The following KCNT1 variants were observed in gnomAD, a reference collection of about 807,000 sequenced individuals.
KCNT1 encodes the protein potassium channel subfamily T member 1.
A neutral mutation model predicts 147.8 loss-of-function variants in KCNT1; 78 were observed. That is an observed-to-expected ratio of 0.53 (90% CI 0.44 to 0.64). The LOEUF is 0.64. Ranked by LOEUF, KCNT1 falls within the 30% of genes least tolerant of loss-of-function variation. KCNT1 has a pLI of 0.00. For synonymous variants in KCNT1, 867 were observed against 748.8 expected (o/e 1.16, Z -2.58); for missense variants, 1,419 against 1,750.3 (o/e 0.81, Z 3.38).
chr9:135,764,999 G>A, intron 11 of KCNT1, 32 bp from the exon 12 acceptor site: 1 of 1,586,414 alleles, frequency 6.3e-7, no homozygotes, highest in Non-Finnish European at 8.6e-7. Context: ...CCCAGGCCTG[G>A]TCGCTGGTGC....
intron 2 of KCNT1, among the ~76,000 whole-genome samples, chr9:135,720,251 G>C (rs1835872728): frequency 6.6e-6 from 1 of 152,028 alleles, no homozygotes; most frequent in Non-Finnish European, 1.5e-5. Flanking sequence ...GCTGGGAACA[G>C]AGAGAGGCTT....
chr9:135,774,327 C>G (rs1458469490), intron 19 of KCNT1, among the ~76,000 whole-genome samples: 2 of 122,702 alleles, frequency 1.6e-5, no homozygotes, highest in Non-Finnish European at 3.3e-5. Context: ...TGTTGTGTGT[C>G]TGGGTGTGTT....
chr9:135,774,515 GTGTC>G (rs1014857975), intron 19 of KCNT1, among the ~76,000 whole-genome samples: 5 of 149,858 alleles, frequency 3.3e-5, no homozygotes, highest in African/African-American at 4.9e-5. Context: ...CATATGTTGT[GTGTC>G]TGTGTGTGCT....
chr9:135,716,037 G>A (rs768213233), intron 2 of KCNT1, among the ~76,000 whole-genome samples: 9 of 152,234 alleles, frequency 5.9e-5, no homozygotes, highest in Admixed American at 3.9e-4. Context: ...TGTGGGCAGA[G>A]GGCAGTCAGC....
At chr9:135,781,984 C>T (rs1167612585) in intron 24 of KCNT1, among the ~76,000 whole-genome samples, 3 of 152,170 alleles carry the variant, frequency 2.0e-5, no homozygotes, top group African/African-American at 2.4e-5. Context: ...GAGGCTAAGG[C>T]GGACGGATCA....
intron 2 of KCNT1, among the ~76,000 whole-genome samples, chr9:135,728,637 T>C (rs187405238): frequency 8.6e-4 from 131 of 151,780 alleles, no homozygotes; most frequent in African/African-American, 3.0e-3. Context: ...GGCCGGAGAG[T>C]GAGGGCCGCA....
Position 135,759,741 on chromosome 9 carries a change from ACTT to A in KCNT1, c.920_922del (p.Phe307del). On this transcript the variant is annotated inframe_deletion, in exon 11 of 31. Transcript: ENST00000371757. The stretch of plus-strand genomic sequence containing the variant: ...AACCTGTCCCTCCTGACCTCCTTCT[ACTT>A]CTGCATCGTCACCTTCTCCACCGTG... 6.2e-7 allele frequency: 1 copy of A among 1,613,406 alleles called. No individual in the cohort carries two copies. The highest frequency in any genetic ancestry group is 8.5e-7 in the Non-Finnish European group (1 of 1,179,786).
intron 13 of KCNT1, 155 bp from the exon 14 acceptor site, chr9:135,768,438 CCCCGCCTTCCATCCTCT>C: frequency 1.7e-6 from 1 of 578,584 alleles, no homozygotes; most frequent in East Asian, 3.0e-5. Context: ...CTTCCATCCT[CCCCGCCTTCCATCCTCT>C]CCGCCTTCCA....
chr9:135,770,076 G>A (rs755497870), intron 16 of KCNT1, 21 bp downstream of exon 16: 9 of 1,538,136 alleles, frequency 5.9e-6, no homozygotes, highest in Non-Finnish European at 7.9e-6. Flanking sequence ...CGTGCCCCGG[G>A]GGACCGACCT....
chr9:135,764,911 C>T, intron 11 of KCNT1, 120 bp from the exon 12 acceptor site: 1 of 1,050,600 alleles, frequency 9.5e-7, no homozygotes, highest in Non-Finnish European at 1.4e-6. Context: ...AGGTGTCACC[C>T]CCCGGCCGGC....
chr9:135,784,528 T>G lies in KCNT1; in HGVS notation c.2944-7T>G. ...CTCCCTCCCTCCCTCCCTCCCTCCC[T>G]GGCCAGTCCTTCGTGAAGGACTACA... On this transcript the variant is annotated splice_polypyrimidine_tract_variant and splice_region_variant and intron_variant, in intron 25 of 30. Transcript: ENST00000371757. 1.4e-5 allele frequency: 7 copies of G among 491,480 alleles called. No homozygotes were observed. Among genetic ancestry groups the G allele is most frequent in the East Asian group, 9.2e-5 (1 of 10,874 alleles). 30.4% of individuals were successfully genotyped at this position (491,480 alleles called of 1,614,324 possible). A position where few individuals can be genotyped will look rare whatever the true frequency, so the allele number is the denominator to read the frequency against.
intron 1 of KCNT1, among the ~76,000 whole-genome samples, chr9:135,711,354 G>A (rs760304740): frequency 1.1e-4 from 16 of 152,178 alleles, no homozygotes; most frequent in Non-Finnish European, 1.8e-4. Flanking sequence ...CCCCCAGCTG[G>A]CCAAAGGCAG....
intron 13 of KCNT1, among the ~76,000 whole-genome samples, chr9:135,767,982 G>A (rs1449793082): frequency 6.6e-6 from 1 of 151,098 alleles, no homozygotes; most frequent in Non-Finnish European, 1.5e-5. Context: ...CTGTCAGCCT[G>A]CACACACTCG....
chr9:135,757,072 C>A, intron 7 of KCNT1, 84 bp from the exon 8 acceptor site: 3 of 1,064,002 alleles, frequency 2.8e-6, no homozygotes, highest in South Asian at 2.8e-5. Context: ...GGGCTCCTCG[C>A]CCTCTTCCCC....
chr9:135,769,240 G>A (rs1259935874), intron 15 of KCNT1, among the ~76,000 whole-genome samples: 14 of 139,506 alleles, frequency 1.0e-4, no homozygotes, highest in African/African-American at 3.6e-4. Context: ...CGTGTGTGTC[G>A]GTGTGTCTGG....
At chr9:135,765,474 G>A (rs1832200982) in intron 12 of KCNT1, 150 bp from the exon 13 acceptor site, 2 of 914,462 alleles carry the variant, frequency 2.2e-6, no homozygotes, top group Non-Finnish European at 3.2e-6. Context: ...GGGGCCCTGC[G>A]GGGGCCCCTC....
intron 2 of KCNT1, among the ~76,000 whole-genome samples, chr9:135,727,273 T>C (rs1388523659): frequency 2.6e-4 from 17 of 65,030 alleles, no homozygotes; most frequent in South Asian, 7.9e-4. Flanking sequence ...CTCCCTCTCT[T>C]TCCCATTCTC....
rs1040535120 is a variant in KCNT1, at chr9:135,775,198, C to T, written c.2244-112C>T. 4.4e-5 allele frequency: 31 copies of T among 696,894 alleles called. No individual in the cohort carries two copies. In the Middle Eastern group the frequency reaches 1.9e-3, roughly 43 times the overall value. 43.2% of individuals were successfully genotyped at this position (696,894 alleles called of 1,614,324 possible). A position where few individuals can be genotyped will look rare whatever the true frequency, so the allele number is the denominator to read the frequency against. ...GTCAGCTGTGCGTGACCCCGAGCAACGTGGCTGTGGGTGGAGTGGGTGCCC... is the reference window on the plus strand; with the variant it reads ...GTCAGCTGTGCGTGACCCCGAGCAATGTGGCTGTGGGTGGAGTGGGTGCCC... On this transcript the variant is annotated intron_variant, in intron 19 of 30. Transcript: ENST00000371757.
chr9:135,763,441 C>G (rs554936853), intron 11 of KCNT1, among the ~76,000 whole-genome samples: 1 of 152,332 alleles, frequency 6.6e-6, no homozygotes, highest in Non-Finnish European at 1.5e-5. Flanking sequence ...CCAGGCTCTT[C>G]GATCAGCAAG....
Sources: gnomAD v4.1 joint callset for allele counts (sites outside exome capture counted in the v4.1 genomes callset) on GRCh38, gnomAD v4.1.1 for gene constraint, MANE v1.5 for transcripts, NCBI Gene and HGNC (gene_info 2026-07-23, HGNC 2026-07-21) for gene names.